PEBP4: variants seen among roughly 807,000 people sequenced by gnomAD.
PEBP4 encodes phosphatidylethanolamine binding protein 4.
Under a neutral mutation model 23.9 loss-of-function variants are expected in PEBP4, and 22 were observed. The ratio of observed to expected loss-of-function variants is 0.92; its 90% CI spans 0.66 to 1.31. The LOEUF is 1.31. Ranked by LOEUF, PEBP4 falls within the 40% of genes most tolerant of loss-of-function variation. PEBP4 has a pLI of 0.00. For synonymous variants in PEBP4, 112 were observed against 99.3 expected, an observed-to-expected ratio of 1.13 and a Z score of -0.76; for missense variants, 324 against 281.7, an observed-to-expected ratio of 1.15 and a Z score of -1.07.
chr8:22,927,332 A>T (rs1299708955), intron 2 of PEBP4, among the ~76,000 whole-genome samples: 1 of 152,128 alleles, frequency 6.6e-6, no homozygotes, highest in Admixed American at 6.5e-5. Context: ...GGGCCCAAGC[A>T]GAGCCGACCA....
intron 3 of PEBP4, among the ~76,000 whole-genome samples, chr8:22,836,267 G>T (rs1389729641): frequency 1.3e-5 from 2 of 152,214 alleles, no homozygotes; most frequent in Non-Finnish European, 2.9e-5. Flanking sequence ...ACACATGAAA[G>T]ACAAGTGAAT....
chr8:22,768,996 A>G (rs2128753786), intron 4 of PEBP4, among the ~76,000 whole-genome samples: 1 of 152,220 alleles, frequency 6.6e-6, no homozygotes, highest in Admixed American at 6.5e-5. Context: ...GGGAGCTGAG[A>G]GCATTTGTGG....
At chr8:22,829,013 C>A (rs140308196) in intron 3 of PEBP4, among the ~76,000 whole-genome samples, 1 of 152,312 alleles carries the variant, frequency 6.6e-6, no homozygotes, top group East Asian at 1.9e-4. Flanking sequence ...AGTCTTCAAC[C>A]TCAGTGGGGA....
chr8:22,753,590 AACTGCCAAGAG>A (rs1358293521), intron 4 of PEBP4, among the ~76,000 whole-genome samples: 1 of 152,202 alleles, frequency 6.6e-6, no homozygotes, highest in Admixed American at 6.5e-5. Flanking sequence ...CAGCTCCCAC[AACTGCCAAGAG>A]ACTGAAGCTG....
At chr8:22,799,188 C>T (rs977407191) in intron 4 of PEBP4, among the ~76,000 whole-genome samples, 3 of 152,184 alleles carry the variant, frequency 2.0e-5, no homozygotes, top group Non-Finnish European at 2.9e-5. Flanking sequence ...TTTGACCTCC[C>T]CCTCCTGCCG....
chr8:22,843,969 A>G (rs1462667224), intron 3 of PEBP4, among the ~76,000 whole-genome samples: 1 of 152,184 alleles, frequency 6.6e-6, no homozygotes, highest in Non-Finnish European at 1.5e-5. Flanking sequence ...AAGTCAACTC[A>G]AATCCTCCTT....
chr8:22,860,899 G>A (rs886592811), intron 3 of PEBP4, among the ~76,000 whole-genome samples: 2 of 152,196 alleles, frequency 1.3e-5, no homozygotes, highest in Non-Finnish European at 1.5e-5. Context: ...GTGCTGCCAC[G>A]AGGTCTACTT....
Position 22,824,616 on chromosome 8 carries a change from T to C in PEBP4, c.259-6881A>G, listed in dbSNP as rs78878894. Among the ~76,000 whole-genome samples, 147 of 152,304 alleles carry C rather than the reference T, an allele frequency of 9.7e-4. 1 individual carries two copies. Among genetic ancestry groups the C allele is most frequent in the African/African-American group, 3.5e-3 (144 of 41,554 alleles). On this transcript the variant is annotated intron_variant, in intron 3 of 6. Transcript: ENST00000256404. ...ATTATAAACTCACTGTAATGTAGAA[T>C]CGGTGAACACCCTGAGCTTGTTTTC...
chr8:22,915,561 A>T (rs750894416), intron 3 of PEBP4, among the ~76,000 whole-genome samples: 1 of 152,194 alleles, frequency 6.6e-6, no homozygotes, highest in Non-Finnish European at 1.5e-5. Context: ...CTCTGAATCA[A>T]TAGCACTGAC....
In PEBP4 at chr8:22,927,614, G is replaced by A. The variant is rs1338115009; in HGVS notation, c.101C>T (p.Ala34Val). Reference protein sequence around the residue: ...EDENSPCAHEALLDEDTLFCQ... With the variant: ...EDENSPCAHEVLLDEDTLFCQ... Reference sequence around the variant, plus strand: ...AAAGAGGGTGTCCTCGTCCAAGAGGGCCTCATGGGCACACGGGCTGTTCTC... The same window carrying A: ...AAAGAGGGTGTCCTCGTCCAAGAGGACCTCATGGGCACACGGGCTGTTCTC... Residue 34 changes from alanine to valine, a missense_variant, in exon 2 of 7, where the codon GCC becomes GTC. Ala to Val is a moderately conservative substitution (Grantham distance 64). Coordinates refer to ENST00000256404, the MANE Select transcript of PEBP4 (RefSeq NM_144962.3). The A allele has an allele frequency of 6.2e-7, 1 of 1,612,984 alleles. No homozygotes were observed. Among genetic ancestry groups the A allele is most frequent in the Non-Finnish European group, 8.5e-7 (1 of 1,179,466 alleles).
chr8:22,939,104 TTTTG>T (rs1312115242), intron 1 of PEBP4, among the ~76,000 whole-genome samples: 1 of 152,214 alleles, frequency 6.6e-6, no homozygotes, highest in East Asian at 1.9e-4. Context: ...ATATAATTTC[TTTTG>T]TTTTTTTCTC....
chr8:22,938,615 C>T (rs975187008), intron 1 of PEBP4, among the ~76,000 whole-genome samples: 1 of 152,146 alleles, frequency 6.6e-6, no homozygotes, highest in African/African-American at 2.4e-5. Flanking sequence ...CTGGGACCAG[C>T]AGGTGCTCCA....
In PEBP4 at chr8:22,728,102, G is replaced by A. The variant is rs193154319; in HGVS notation, c.358-882C>T. Among the ~76,000 whole-genome samples the A allele has an allele frequency of 7.6e-4, 115 of 152,190 alleles. 1 individual carries two copies. The highest frequency in any genetic ancestry group is 2.6e-3 in the African/African-American group (108 of 41,524). On this transcript the variant is annotated intron_variant, in intron 4 of 6. Coordinates refer to ENST00000256404, the MANE Select transcript of PEBP4 (RefSeq NM_144962.3). Reference sequence around the variant, plus strand: ...AGCGTGACTCTTAATTGAGTCTGCCGACACCTAACTGTGCCCTGGCTACCT... The same window carrying A: ...AGCGTGACTCTTAATTGAGTCTGCCAACACCTAACTGTGCCCTGGCTACCT...
intron 4 of PEBP4, among the ~76,000 whole-genome samples, chr8:22,771,393 G>C (rs988570115): frequency 6.6e-6 from 1 of 152,216 alleles, no homozygotes; most frequent in African/African-American, 2.4e-5. Context: ...GGAGGCAGAG[G>C]CAGGAGAATC....
chr8:22,787,754 C>T (rs1321457207), intron 4 of PEBP4, among the ~76,000 whole-genome samples: 4 of 152,118 alleles, frequency 2.6e-5, no homozygotes, highest in Middle Eastern at 3.2e-3. Context: ...AATTGTGCGA[C>T]GGTGCTAAGT....
At chr8:22,753,283 G>A (rs1805306478) in intron 4 of PEBP4, among the ~76,000 whole-genome samples, 1 of 152,156 alleles carries the variant, frequency 6.6e-6, no homozygotes, top group African/African-American at 2.4e-5. Context: ...CAGGAGTCAG[G>A]AGGGAGCTGT....
upstream of PEBP4, among the ~76,000 whole-genome samples, chr8:22,928,717 C>T (rs1809405530): frequency 6.6e-6 from 1 of 152,194 alleles, no homozygotes; most frequent in South Asian, 2.1e-4. Context: ...GGACTCCTGG[C>T]TTCTGCTCTG....
chr8:22,930,690 G>C (rs552149340), upstream of PEBP4, among the ~76,000 whole-genome samples: 2 of 152,140 alleles, frequency 1.3e-5, no homozygotes, highest in East Asian at 3.9e-4. Flanking sequence ...GCTTGTTTTT[G>C]TGCAGAGAGA....
At chr8:22,731,278 C>A (rs1285323678) in intron 4 of PEBP4, among the ~76,000 whole-genome samples, 1 of 152,182 alleles carries the variant, frequency 6.6e-6, no homozygotes, top group Non-Finnish European at 1.5e-5. Context: ...CCCAAGACAG[C>A]AAGACCAACC....
Sources: gnomAD v4.1 joint callset for allele counts (sites outside exome capture counted in the v4.1 genomes callset) on GRCh38, gnomAD v4.1.1 for gene constraint, MANE v1.5 for transcripts, NCBI Gene and HGNC (gene_info 2026-07-23, HGNC 2026-07-21) for gene names.